The following RAB22A variants were observed in gnomAD, a reference collection of about 807,000 sequenced individuals.
RAB22A encodes the protein RAB22A, member RAS oncogene family.
Under a neutral mutation model 30.2 loss-of-function variants are expected in RAB22A, and 13 were observed. That is an observed-to-expected ratio of 0.43 (90% CI 0.28 to 0.68). The LOEUF is 0.68. Among genes scored for constraint, RAB22A ranks in the 30% least tolerant of loss-of-function variants. The probability of loss-of-function intolerance (pLI) is 0.18; values close to 1 mark genes in which losing one functional copy is unlikely to be tolerated. For synonymous variants in RAB22A, 89 were observed against 87.2 expected (o/e 1.02, Z -0.11); for missense variants, 177 against 246.8 (o/e 0.72, Z 1.89).
chr20:58,330,580 G>T (rs1036984843), intron 2 of RAB22A, among the ~76,000 whole-genome samples: 2 of 151,974 alleles, frequency 1.3e-5, no homozygotes, highest in African/African-American at 4.8e-5. Context: ...GTGCTGTTTT[G>T]TTTTAACAGA....
chr20:58,338,383 A>G (rs1249247273), intron 2 of RAB22A, among the ~76,000 whole-genome samples: 3 of 152,210 alleles, frequency 2.0e-5, no homozygotes, highest in Non-Finnish European at 2.9e-5. Context: ...TTTAGGCTGT[A>G]TGATGAACAT....
At chr20:58,319,594 A>G (rs1482335311) in intron 2 of RAB22A, among the ~76,000 whole-genome samples, 1 of 152,244 alleles carries the variant, frequency 6.6e-6, no homozygotes, top group African/African-American at 2.4e-5. Context: ...CAAAAGAGCC[A>G]GGTGAGATCT....
rs550459560 is a variant in RAB22A, at chr20:58,309,864, GA to G, written c.-112del. On this transcript the variant is annotated 5_prime_UTR_variant, in exon 1 of 7. Transcript: ENST00000244040. ...GACGGGCGGCAGCCGCCTCTGCGCG[GA>G]CCGGGGCTGGGCCGTGCGGCGGCAG... 270 of 1,087,342 alleles carry G rather than the reference GA, an allele frequency of 2.5e-4. 1 individual carries two copies. The African/African-American group carries it at 4.1e-3, about 17-fold the overall frequency. 67.4% of individuals were successfully genotyped at this position (1,087,342 alleles called of 1,614,324 possible). A position where few individuals can be genotyped will look rare whatever the true frequency, so the allele number is the denominator to read the frequency against.
intron 6 of RAB22A, among the ~76,000 whole-genome samples, chr20:58,357,560 TCTC>T (rs1352602361): frequency 1.3e-5 from 2 of 152,206 alleles, no homozygotes; most frequent in African/African-American, 4.8e-5. Flanking sequence ...ATGAAAATAT[TCTC>T]CTCTTATTTC....
intron 3 of RAB22A, among the ~76,000 whole-genome samples, chr20:58,346,957 C>T (rs907501806): frequency 1.3e-5 from 2 of 152,204 alleles, no homozygotes; most frequent in Non-Finnish European, 2.9e-5. Context: ...CTCTCAGCCC[C>T]TTGGCACATG....
Position 58,363,288 on chromosome 20 carries a change from C to G in RAB22A, c.*3585C>G, listed in dbSNP as rs1211244966. Reference sequence around the variant, plus strand: ...TTTTTGGTACTTTCACTTATTCTTTCAGAATACATCAAGGATGTGATTTAT... The same window carrying G: ...TTTTTGGTACTTTCACTTATTCTTTGAGAATACATCAAGGATGTGATTTAT... On this transcript the variant is annotated 3_prime_UTR_variant, in exon 7 of 7. Transcript: ENST00000244040. The G allele has an allele frequency of 6.6e-6, 1 of 152,132 alleles. No homozygotes were observed. Among genetic ancestry groups the G allele is most frequent in the Non-Finnish European group, 1.5e-5 (1 of 68,022 alleles). 9.4% of individuals were successfully genotyped at this position (152,132 alleles called of 1,614,324 possible).
At chr20:58,357,945 G>A (rs1987159215) in intron 6 of RAB22A, among the ~76,000 whole-genome samples, 1 of 152,164 alleles carries the variant, frequency 6.6e-6, no homozygotes, top group Non-Finnish European at 1.5e-5. Flanking sequence ...TTCTGTGTCA[G>A]GTATTGTGCT....
At chr20:58,350,362 A>T (rs889331323) in intron 3 of RAB22A, among the ~76,000 whole-genome samples, 1 of 152,232 alleles carries the variant, frequency 6.6e-6, no homozygotes, top group Non-Finnish European at 1.5e-5. Flanking sequence ...GCAAAGAGAG[A>T]GATGGAAACA....
At chr20:58,342,377 C>T (rs891927235) in intron 2 of RAB22A, among the ~76,000 whole-genome samples, 2 of 152,118 alleles carry the variant, frequency 1.3e-5, no homozygotes, top group Non-Finnish European at 2.9e-5. Flanking sequence ...AGGCTACTTG[C>T]CATGGCATAA....
At chr20:58,318,673 A>G (rs1042260724) in intron 2 of RAB22A, among the ~76,000 whole-genome samples, 8 of 151,846 alleles carry the variant, frequency 5.3e-5, no homozygotes, top group Non-Finnish European at 8.8e-5. Context: ...GGCAGTATCT[A>G]CTGATTCTTT....
chr20:58,327,134 A>C (rs1986582818), intron 2 of RAB22A, among the ~76,000 whole-genome samples: 1 of 152,260 alleles, frequency 6.6e-6, no homozygotes, highest in African/African-American at 2.4e-5. Flanking sequence ...CTCCAAAAAA[A>C]CAAAAAAATT....
At chr20:58,334,340 A>G (rs1320952539) in intron 2 of RAB22A, among the ~76,000 whole-genome samples, 3 of 152,038 alleles carry the variant, frequency 2.0e-5, no homozygotes, top group Admixed American at 6.5e-5. Context: ...CATCTCAAAA[A>G]AAAAAAAAAT....
In RAB22A at chr20:58,309,845, C is replaced by T. The variant is rs889325979; in HGVS notation, c.-132C>T. 5 of 877,464 alleles carry T rather than the reference C, an allele frequency of 5.7e-6. 1 individual carries two copies. The highest frequency in any genetic ancestry group is 4.4e-5 in the Admixed American group (1 of 22,742). The allele number at this position is 877,464 out of a possible 1,614,324, so 54.4% of individuals were successfully genotyped here. A position where few individuals can be genotyped will look rare whatever the true frequency, so the allele number is the denominator to read the frequency against. ...GCCGGACCTACGGCCGGAGGACGGG[C>T]GGCAGCCGCCTCTGCGCGGACCGGG... On this transcript the variant is annotated 5_prime_UTR_variant, in exon 1 of 7. Coordinates refer to ENST00000244040, the MANE Select transcript of RAB22A (RefSeq NM_020673.3).
At chr20:58,338,750 A>G (rs1986805514) in intron 2 of RAB22A, among the ~76,000 whole-genome samples, 1 of 152,142 alleles carries the variant, frequency 6.6e-6, no homozygotes, top group Admixed American at 6.5e-5. Context: ...GTCCCTTGAT[A>G]CCTCTGTTAG....
At chr20:58,353,857 T>C (rs568383489) in intron 5 of RAB22A, among the ~76,000 whole-genome samples, 128 of 152,340 alleles carry the variant, frequency 8.4e-4, no homozygotes, top group African/African-American at 3.1e-3. Flanking sequence ...ATTGGCAGTT[T>C]CCCTGGGCCA....
At position 58,340,943 on chromosome 20, in the gene RAB22A, A is replaced by G. The variant is rs1443731417; in HGVS notation, c.117-2775A>G. On this transcript the variant is annotated intron_variant, in intron 2 of 6. Coordinates refer to ENST00000244040, the MANE Select transcript of RAB22A (RefSeq NM_020673.3). ...TCCGTGGGAAGGTGGACACAGGGAC[A>G]ATTGAAAAGATTTGAGACTTGAGAC... 2.0e-5 allele frequency among the ~76,000 whole-genome samples: 3 copies of G among 152,138 alleles called. No individual in the cohort carries two copies. In the South Asian group the frequency reaches 6.2e-4, roughly 31 times the overall value.
Position 58,366,970 on chromosome 20 carries a change from T to C in RAB22A, c.*7267T>C, listed in dbSNP as rs754024659. On this transcript the variant is annotated 3_prime_UTR_variant, in exon 7 of 7. Coordinates refer to ENST00000244040, the MANE Select transcript of RAB22A (RefSeq NM_020673.3). ...CAGCAATCTCTCTTTCTCCTAAGAATGTCATGCCTTCTCAAGACCTGATGA... is the reference window on the plus strand; with the variant it reads ...CAGCAATCTCTCTTTCTCCTAAGAACGTCATGCCTTCTCAAGACCTGATGA... 1 of 152,636 alleles carries C rather than the reference T, an allele frequency of 6.6e-6. No homozygotes were observed. The highest frequency in any genetic ancestry group is 1.9e-4 in the East Asian group (1 of 5,204). 9.5% of individuals were successfully genotyped at this position (152,636 alleles called of 1,614,324 possible).
At chr20:58,318,572 C>T (rs1284567080) in intron 2 of RAB22A, among the ~76,000 whole-genome samples, 1 of 151,198 alleles carries the variant, frequency 6.6e-6, no homozygotes, top group Middle Eastern at 3.4e-3. Flanking sequence ...TTTCCAAAAT[C>T]GGAAACACTT....
chr20:58,347,352 A>G (rs1460644622), intron 3 of RAB22A, among the ~76,000 whole-genome samples: 1 of 152,210 alleles, frequency 6.6e-6, no homozygotes, highest in African/African-American at 2.4e-5. Context: ...GACAGTAGGG[A>G]TCTTGTTAAC....
Sources: allele counts gnomAD v4.1 joint callset (sites outside exome capture counted in the v4.1 genomes callset), GRCh38; gene constraint gnomAD v4.1.1; transcripts MANE v1.5; gene names NCBI Gene and HGNC (gene_info 2026-07-23, HGNC 2026-07-21).